The following VOPP1 variants were observed in gnomAD, a reference collection of about 807,000 sequenced individuals.
VOPP1 encodes WW domain binding protein VOPP1.
Under a neutral mutation model 23.5 loss-of-function variants are expected in VOPP1, and 8 were observed. That is an observed-to-expected ratio of 0.34 (90% CI 0.20 to 0.61). The LOEUF (loss-of-function observed/expected upper bound fraction) is 0.61. Among genes scored for constraint, VOPP1 ranks in the 20% least tolerant of loss-of-function variants. VOPP1 has a pLI of 0.78. For missense variants in VOPP1, 174 were observed against 238.1 expected, an observed-to-expected ratio of 0.73 and a Z score of 1.77; for synonymous variants, 83 against 97.3, an observed-to-expected ratio of 0.85 and a Z score of 0.86.
chr7:55,474,910 G>T (rs1318712161), intron 4 of VOPP1, among the ~76,000 whole-genome samples: 1 of 152,246 alleles, frequency 6.6e-6, no homozygotes, highest in East Asian at 1.9e-4. Flanking sequence ...GCAGCAAGGG[G>T]TGGGAGAATT....
At position 55,494,673 on chromosome 7, in the gene VOPP1, TCTCA is replaced by T. The variant is rs571465631; in HGVS notation, c.192-2259_192-2256del. ...AAAATAATTTTTGGTAGAGACGGAG[TCTCA>T]CTATGTTGCCGAGTGATCTCAAATT... is the stretch of plus-strand genomic sequence containing the variant. On this transcript the variant is annotated intron_variant, in intron 3 of 4. Transcript: ENST00000285279. Among the ~76,000 whole-genome samples, 6 of 152,270 alleles carry T rather than the reference TCTCA, an allele frequency of 3.9e-5. No individual in the cohort carries two copies. In the East Asian group the frequency reaches 1.2e-3, roughly 29 times the overall value.
At chr7:55,531,512 A>G (rs1420333575) in intron 1 of VOPP1, among the ~76,000 whole-genome samples, 1 of 151,960 alleles carries the variant, frequency 6.6e-6, no homozygotes, top group Admixed American at 6.6e-5. Flanking sequence ...ACCACACCCA[A>G]CTAATTTTTT....
intron 1 of VOPP1, among the ~76,000 whole-genome samples, chr7:55,539,843 T>C (rs1317536080): frequency 2.1e-5 from 3 of 146,260 alleles, no homozygotes; most frequent in Non-Finnish European, 4.5e-5. Context: ...TATACACACA[T>C]ACACGCATAT....
At chr7:55,438,212 G>A (rs1790879316) in intron 4 of VOPP1, among the ~76,000 whole-genome samples, 1 of 151,884 alleles carries the variant, frequency 6.6e-6, no homozygotes, top group Non-Finnish European at 1.5e-5. Context: ...GTATTTCTTG[G>A]TTTTGGTGTC....
intron 4 of VOPP1, among the ~76,000 whole-genome samples, chr7:55,475,273 G>A (rs530004325): frequency 1.7e-4 from 26 of 152,316 alleles, no homozygotes; most frequent in African/African-American, 4.8e-4. Flanking sequence ...GGGAGCTGGT[G>A]CACAGGAAGG....
intron 2 of VOPP1, among the ~76,000 whole-genome samples, chr7:55,509,636 T>A (rs138610773): frequency 1.6e-4 from 25 of 152,348 alleles, no homozygotes; most frequent in Middle Eastern, 6.8e-3. Flanking sequence ...CTCTTAAGTC[T>A]ACATTCCAGC....
intron 1 of VOPP1, among the ~76,000 whole-genome samples, chr7:55,568,850 A>T (rs953837097): frequency 2.0e-5 from 3 of 152,138 alleles, no homozygotes; most frequent in African/African-American, 7.2e-5. Context: ...GAATAACTTC[A>T]GCAGGGCTAC....
At chr7:55,459,763 T>C (rs1349953720) in intron 4 of VOPP1, among the ~76,000 whole-genome samples, 1 of 152,140 alleles carries the variant, frequency 6.6e-6, no homozygotes, top group African/African-American at 2.4e-5. Flanking sequence ...CCTTTTTTCA[T>C]GGTTAGTCTA....
rs1796131838 is a variant in VOPP1 at position 55,525,551 on chromosome 7, CAA to C, written c.55-4423_55-4422del. On this transcript the variant is annotated intron_variant, in intron 1 of 4. Transcript: ENST00000285279. The stretch of plus-strand genomic sequence containing the variant: ...CTTTATGAAGAAAATGAGATTGCAT[CAA>C]AATGCCTGGCCAAACTAGGGCATCG... Among the ~76,000 whole-genome samples, 3 of 151,428 alleles carry C rather than the reference CAA, an allele frequency of 2.0e-5. No homozygotes were observed. In the South Asian group the frequency reaches 6.2e-4, roughly 31 times the overall value.
intron 1 of VOPP1, chr7:55,521,577 C>T (rs1356861115): frequency 2.0e-6 from 2 of 988,482 alleles, no homozygotes; most frequent in African/African-American, 1.7e-5. Context: ...GCATTCCGAC[C>T]TACGTCTGCA....
At chr7:55,532,998 C>T (rs898766705) in intron 1 of VOPP1, among the ~76,000 whole-genome samples, 1 of 152,146 alleles carries the variant, frequency 6.6e-6, no homozygotes, top group African/African-American at 2.4e-5. Context: ...GAGTCAGTTC[C>T]ACGTGCTGCC....
In VOPP1 at chr7:55,498,310, C is replaced by A. The variant is rs181590045; in HGVS notation, c.114-620G>T. ...CTCACCATATAAAGTGCTGATGGCA[C>A]TATCACTGCTCACGCTGCCTCCCTC... On this transcript the variant is annotated intron_variant, in intron 2 of 4. Transcript: ENST00000285279. 3.3e-5 allele frequency among the ~76,000 whole-genome samples: 5 copies of A among 152,352 alleles called. No individual in the cohort carries two copies. In the East Asian group the frequency reaches 9.6e-4, roughly 29 times the overall value.
Position 55,552,513 on chromosome 7 carries a change from CA to C in VOPP1, c.54+19757del, listed in dbSNP as rs754830917. The C allele has an allele frequency of 1.0e-5, 14 of 1,387,688 alleles. No homozygotes were observed. The South Asian group carries it at 1.7e-4, about 16-fold the overall frequency. 86.0% of individuals were successfully genotyped at this position (1,387,688 alleles called of 1,614,324 possible). On this transcript the variant is annotated intron_variant, in intron 1 of 4. Coordinates refer to ENST00000285279, the MANE Select transcript of VOPP1 (RefSeq NM_030796.5). ...TACACACTCACACAGGATGGATCTCCATGCTTACACATGCCCAGCAACACAA... is the reference window on the plus strand; with the variant it reads ...TACACACTCACACAGGATGGATCTCCTGCTTACACATGCCCAGCAACACAA...
intron 2 of VOPP1, among the ~76,000 whole-genome samples, chr7:55,499,873 AC>A (rs1267444102): frequency 1.3e-5 from 2 of 152,164 alleles, no homozygotes. Context: ...CCCTGCACAA[AC>A]AGTACCTTCT....
intron 2 of VOPP1, among the ~76,000 whole-genome samples, chr7:55,516,933 T>TATATATATATATA (rs1491552728): frequency 8.3e-5 from 3 of 36,038 alleles, no homozygotes; most frequent in East Asian, 8.1e-4. Flanking sequence ...TATATATATA[T>TATATATATATATA]TTTTTTTTTT....
At chr7:55,539,363 A>T (rs1214318464) in intron 1 of VOPP1, 1 of 152,184 alleles carries the variant, frequency 6.6e-6, no homozygotes, top group Non-Finnish European at 1.5e-5. Context: ...ATAACAAAAA[A>T]AGTACGTGTA....
chr7:55,479,262 G>C (rs745651389), intron 4 of VOPP1, among the ~76,000 whole-genome samples: 2 of 151,232 alleles, frequency 1.3e-5, no homozygotes, highest in Admixed American at 6.6e-5. Context: ...CCATTAACTC[G>C]TCATTTAGCG....
At chr7:55,441,837 G>GCA (rs1041631073) in intron 4 of VOPP1, among the ~76,000 whole-genome samples, 1 of 152,112 alleles carries the variant, frequency 6.6e-6, no homozygotes, top group African/African-American at 2.4e-5. Flanking sequence ...AGCAGCTTCA[G>GCA]CACACACATG....
downstream of VOPP1, among the ~76,000 whole-genome samples, chr7:55,469,395 C>T (rs1449377600): frequency 3.9e-5 from 6 of 152,128 alleles, no homozygotes; most frequent in Non-Finnish European, 1.5e-5. Context: ...AGTGGGGTTG[C>T]ACCTGTACTC....
Sources: gnomAD v4.1 joint callset for allele counts (sites outside exome capture counted in the v4.1 genomes callset) on GRCh38, gnomAD v4.1.1 for gene constraint, MANE v1.5 for transcripts, NCBI Gene and HGNC (gene_info 2026-07-23, HGNC 2026-07-21) for gene names.